Variants in MCPH1 observed in about 807,000 individuals in gnomAD.
The protein encoded by MCPH1 is microcephalin 1, also known as microcephalin.
MCPH1 carries 104 observed loss-of-function variants against 84.5 expected under a neutral mutation model. That is an observed-to-expected ratio of 1.23 (90% CI 1.05 to 1.45). MCPH1 has a LOEUF of 1.45. Among genes scored for constraint, MCPH1 ranks in the 40% most tolerant of loss-of-function variants. The pLI, the probability that MCPH1 is intolerant of heterozygous loss-of-function variation, is 0.00. For missense variants in MCPH1, 1,498 were observed against 1,005.7 expected (o/e 1.49, Z -6.62); for synonymous variants, 514 against 366.8 (o/e 1.40, Z -4.58).
In MCPH1 at chr8:6,625,524, G is replaced by T. The variant is rs1043729172; in HGVS notation, c.2452+3833G>T. 3.1e-6 allele frequency: 3 copies of T among 979,278 alleles called. No individual in the cohort carries two copies. In the African/African-American group the frequency reaches 5.3e-5, roughly 17 times the overall value. 60.7% of individuals were successfully genotyped at this position (979,278 alleles called of 1,614,324 possible). A position where few individuals can be genotyped will look rare whatever the true frequency, so the allele number is the denominator to read the frequency against. On this transcript the variant is annotated intron_variant, in intron 13 of 13. Transcript: ENST00000344683. ...TTTAAAGCACCAAATCGAAAAAGAA[G>T]TTATTTTGTTTAAATAAATTAAATT...
Position 6,638,330 on chromosome 8 carries a change from A to C in MCPH1, c.2453-4664A>C, listed in dbSNP as rs189208096. ...AACATGCTTACTTATTTTGATAAGC[A>C]AAGATGAAGCTCACATGGGTCCCGT... On this transcript the variant is annotated intron_variant, in intron 13 of 13. Coordinates refer to ENST00000344683, the MANE Select transcript of MCPH1 (RefSeq NM_024596.5). Among the ~76,000 whole-genome samples the C allele has an allele frequency of 3.7e-3, 556 of 152,310 alleles. 5 individuals carry two copies. Among genetic ancestry groups the C allele is most frequent in the African/African-American group, 0.013 (524 of 41,564 alleles).
chr8:6,634,063 G>A (rs1007882462), intron 13 of MCPH1, among the ~76,000 whole-genome samples: 17 of 152,162 alleles, frequency 1.1e-4, no homozygotes, highest in African/African-American at 4.1e-4. Flanking sequence ...AATGTGATGA[G>A]CAGAAGTTAA....
chr8:6,598,716 G>A (rs1349470749), intron 12 of MCPH1, among the ~76,000 whole-genome samples: 2 of 152,258 alleles, frequency 1.3e-5, no homozygotes, highest in Non-Finnish European at 2.9e-5. Context: ...GGCCCTGTGT[G>A]GGTGAGGAAG....
chr8:6,464,575 A>C (rs1806642955), intron 9 of MCPH1, among the ~76,000 whole-genome samples: 2 of 152,232 alleles, frequency 1.3e-5, no homozygotes, highest in African/African-American at 2.4e-5. Context: ...AGGACCAGCC[A>C]GGGTGGATCT....
intron 12 of MCPH1, among the ~76,000 whole-genome samples, chr8:6,553,891 C>T (rs74755210): frequency 4.5e-4 from 69 of 152,154 alleles, no homozygotes; most frequent in East Asian, 3.9e-3. Flanking sequence ...GGCGTATTTT[C>T]GCCTTTTGCT....
intron 13 of MCPH1, among the ~76,000 whole-genome samples, chr8:6,622,719 C>T (rs1253461062): frequency 1.3e-5 from 2 of 152,218 alleles, no homozygotes; most frequent in Non-Finnish European, 2.9e-5. Flanking sequence ...TTCCTGTGAC[C>T]TCACGTGGCC....
chr8:6,558,904 C>T (rs79166777), intron 12 of MCPH1, among the ~76,000 whole-genome samples: 4,592 of 151,972 alleles, frequency 0.03, 168 homozygotes, highest in African/African-American at 0.087. Context: ...ATATACATAT[C>T]GCATAAGAGA....
intron 12 of MCPH1, among the ~76,000 whole-genome samples, chr8:6,555,089 A>T (rs2922879): frequency 0.022 from 3,339 of 152,222 alleles, 120 homozygotes; most frequent in African/African-American, 0.072. Flanking sequence ...TCATACTGGT[A>T]TTCTAAACCA....
At chr8:6,494,469 CA>C (rs1811016574) in intron 11 of MCPH1, 1 of 152,166 alleles carries the variant, frequency 6.6e-6, no homozygotes, top group Non-Finnish European at 1.5e-5. Context: ...TTGGGTAAGG[CA>C]GTTTCTTTAT....
chr8:6,444,792 A>G lies in MCPH1; in HGVS notation c.1070A>G (p.Lys357Arg). 1 of 1,614,128 alleles carries G rather than the reference A, an allele frequency of 6.2e-7. No homozygotes were observed. Among genetic ancestry groups the G allele is most frequent in the Non-Finnish European group, 8.5e-7 (1 of 1,180,006 alleles). ...SRPRSSSVKR[K>R]RVSHGSHSPP... Reference sequence around the variant, plus strand: ...CCCAGGAGTTCCTCAGTAAAGAGAAAAAGAGTATCACATGGCTCCCATTCA... The same window carrying G: ...CCCAGGAGTTCCTCAGTAAAGAGAAGAAGAGTATCACATGGCTCCCATTCA... The change falls in exon 8 of 14, where the codon AAA becomes AGA. Residue 357 changes from lysine (K) to arginine (R), a missense_variant. Coordinates refer to ENST00000344683, the MANE Select transcript of MCPH1 (RefSeq NM_024596.5).
Position 6,406,756 on chromosome 8 carries a change from G to T in MCPH1, c.22+67G>T, listed in dbSNP as rs558835062. On this transcript the variant is annotated intron_variant, in intron 1 of 13. Transcript: ENST00000344683. ...AGGACCGGCACCCCTCGTCGCGGGC[G>T]CACTCGGGGGATCCCGTGGGAGGAG... 4 of 1,561,010 alleles carry T rather than the reference G, an allele frequency of 2.6e-6. No homozygotes were observed. In the Admixed American group the frequency reaches 6.9e-5, roughly 27 times the overall value.
In MCPH1 at chr8:6,646,284, G is replaced by C. The variant is rs1464655139; in HGVS notation, c.*3235G>C. 6.6e-6 allele frequency: 1 copy of C among 152,122 alleles called. No individual in the cohort carries two copies. Among genetic ancestry groups the C allele is most frequent in the Non-Finnish European group, 1.5e-5 (1 of 68,042 alleles). 9.4% of individuals were successfully genotyped at this position (152,122 alleles called of 1,614,324 possible). ...TACTAGAAATACAAAAAATTAGCCA[G>C]GCATGATGGCACACACCTGTAATCT... is the stretch of plus-strand genomic sequence containing the variant. On this transcript the variant is annotated 3_prime_UTR_variant, in exon 14 of 14. Transcript: ENST00000344683.
At chr8:6,592,926 CAA>C (rs1828623713) in intron 12 of MCPH1, among the ~76,000 whole-genome samples, 1 of 151,476 alleles carries the variant, frequency 6.6e-6, no homozygotes, top group Admixed American at 6.6e-5. Context: ...CTTGTCCTCC[CAA>C]AGTGCTGGGA....
chr8:6,502,438 A>T (rs1392974840), intron 12 of MCPH1: 4 of 152,192 alleles, frequency 2.6e-5, no homozygotes, highest in Non-Finnish European at 5.9e-5. Context: ...CTACCATATA[A>T]ATTTGAAATA....
chr8:6,627,198 C>A (rs770493382), intron 13 of MCPH1: 2 of 985,436 alleles, frequency 2.0e-6, no homozygotes, highest in Non-Finnish European at 2.4e-6. Context: ...AGGCCTCAGG[C>A]CTTCGGGCTT....
intron 9 of MCPH1, among the ~76,000 whole-genome samples, chr8:6,474,857 T>G (rs371327320): frequency 1.3e-5 from 2 of 152,144 alleles, no homozygotes; most frequent in Non-Finnish European, 2.9e-5. Flanking sequence ...TAATAATACT[T>G]AATGCTGACA....
At chr8:6,527,807 A>G (rs1818628227) in intron 12 of MCPH1, 2 of 856,184 alleles carry the variant, frequency 2.3e-6, no homozygotes, top group Admixed American at 6.2e-5. Flanking sequence ...CAAGTATCTT[A>G]TTTTGGCATA....
chr8:6,468,492 G>T (rs887361770), intron 9 of MCPH1, among the ~76,000 whole-genome samples: 1 of 152,202 alleles, frequency 6.6e-6, no homozygotes, highest in Non-Finnish European at 1.5e-5. Context: ...TCCACAAGGA[G>T]CAAGGAGCTA....
intron 1 of MCPH1, chr8:6,407,253 G>T (rs1797866386): frequency 6.2e-6 from 1 of 160,904 alleles, no homozygotes; most frequent in Non-Finnish European, 1.4e-5. Flanking sequence ...TCCAATAATA[G>T]GAGCCGCCTT....
Sources: allele counts gnomAD v4.1 joint callset (sites outside exome capture counted in the v4.1 genomes callset), GRCh38; gene constraint gnomAD v4.1.1; transcripts MANE v1.5; gene names NCBI Gene and HGNC (gene_info 2026-07-23, HGNC 2026-07-21).